Variants in EXOC6B observed in about 807,000 individuals in gnomAD.
EXOC6B encodes the protein exocyst complex component 6B.
EXOC6B carries 54 observed loss-of-function variants against 113.5 expected under a neutral mutation model. That is an observed-to-expected ratio of 0.48 (90% CI 0.38 to 0.60). EXOC6B has a LOEUF of 0.60. Ranked by LOEUF, EXOC6B falls within the 20% of genes least tolerant of loss-of-function variation. EXOC6B has a pLI of 0.00. For missense variants in EXOC6B, 797 were observed against 977.5 expected, an observed-to-expected ratio of 0.82 and a Z score of 2.46; for synonymous variants, 357 against 339.0, an observed-to-expected ratio of 1.05 and a Z score of -0.58.
At chr2:72,490,770 G>A (rs1366555432) in intron 16 of EXOC6B, among the ~76,000 whole-genome samples, 1 of 151,986 alleles carries the variant, frequency 6.6e-6, no homozygotes, top group Non-Finnish European at 1.5e-5. Context: ...TACCTGACCC[G>A]TACAGTGTTT....
intron 18 of EXOC6B, among the ~76,000 whole-genome samples, chr2:72,435,182 G>A (rs1037831016): frequency 1.4e-4 from 22 of 152,178 alleles, no homozygotes; most frequent in African/African-American, 4.3e-4. Flanking sequence ...TCTTTCAGGA[G>A]CAGGTTGTTC....
intron 6 of EXOC6B, among the ~76,000 whole-genome samples, chr2:72,700,481 T>G (rs1022197882): frequency 4.6e-5 from 7 of 152,192 alleles, no homozygotes; most frequent in African/African-American, 1.7e-4. Flanking sequence ...GAGGTTACAG[T>G]GAGTTCCTCA....
chr2:72,443,741 A>G (rs1696379769), intron 18 of EXOC6B, among the ~76,000 whole-genome samples: 2 of 152,180 alleles, frequency 1.3e-5, no homozygotes, highest in African/African-American at 4.8e-5. Context: ...ATCATATCTC[A>G]TGAGACTTAT....
chr2:72,591,502 A>T (rs1705958708), intron 6 of EXOC6B, among the ~76,000 whole-genome samples: 1 of 152,166 alleles, frequency 6.6e-6, no homozygotes, highest in Non-Finnish European at 1.5e-5. Context: ...AAAGAGTACA[A>T]AGTTAACAAA....
chr2:72,587,984 A>G (rs1449062858), intron 6 of EXOC6B, among the ~76,000 whole-genome samples: 5 of 152,186 alleles, frequency 3.3e-5, no homozygotes, highest in Non-Finnish European at 4.4e-5. Context: ...ACAAGGAGAT[A>G]TCCTCACACC....
intron 19 of EXOC6B, among the ~76,000 whole-genome samples, chr2:72,375,777 A>G (rs773944247): frequency 1.4e-4 from 22 of 152,198 alleles, no homozygotes; most frequent in Non-Finnish European, 2.4e-4. Flanking sequence ...CAAATAAACA[A>G]AAAGTAAGCA....
chr2:72,668,605 T>C (rs1675562693), intron 6 of EXOC6B, among the ~76,000 whole-genome samples: 1 of 152,180 alleles, frequency 6.6e-6, no homozygotes, highest in South Asian at 2.1e-4. Context: ...AACAAAATTA[T>C]ATCCTTTGCA....
Position 72,480,695 on chromosome 2 carries a change from T to C in EXOC6B, c.1721A>G (p.Glu574Gly), listed in dbSNP as rs963472972. 1.3e-6 allele frequency: 2 copies of C among 1,595,298 alleles called. No homozygotes were observed. Among genetic ancestry groups the C allele is most frequent in the African/African-American group, 1.3e-5 (1 of 74,676 alleles). ...ATTAGTGATGTTGGTGATAAATTCT[T>C]CCAAGTACTTACAGGATTTCTCCAA... ...THLEKSCKYL[E>G]EFITNITNVL... The change falls in exon 17 of 22, where the codon GAA becomes GGA. Residue 574 changes from glutamate (E) to glycine (G), a missense_variant. Physicochemically the swap from Glu to Gly is moderately conservative, Grantham distance 98. Transcript: ENST00000272427.
At chr2:72,773,003 G>C (rs1388100211) in intron 1 of EXOC6B, among the ~76,000 whole-genome samples, 1 of 151,060 alleles carries the variant, frequency 6.6e-6, no homozygotes, top group Non-Finnish European at 1.5e-5. Flanking sequence ...GAAATGTAGA[G>C]AGCTACAAAA....
At chr2:72,376,708 CCAACGTATGTGT>C (rs1691380526) in intron 19 of EXOC6B, among the ~76,000 whole-genome samples, 3 of 152,098 alleles carry the variant, frequency 2.0e-5, no homozygotes, top group Admixed American at 2.0e-4. Flanking sequence ...TCTGCAATTT[CCAACGTATGTGT>C]CATCAGTGGA....
intron 6 of EXOC6B, among the ~76,000 whole-genome samples, chr2:72,584,792 G>T (rs1166801618): frequency 6.6e-6 from 1 of 152,068 alleles, no homozygotes; most frequent in Non-Finnish European, 1.5e-5. Context: ...AAAAAAAATT[G>T]AAATCATACC....
At chr2:72,588,042 A>T (rs1160688876) in intron 6 of EXOC6B, among the ~76,000 whole-genome samples, 2 of 152,184 alleles carry the variant, frequency 1.3e-5, no homozygotes, top group African/African-American at 4.8e-5. Context: ...AAGTTTTAGC[A>T]AGGATGGGGA....
At chr2:72,684,270 C>G (rs1253038620) in intron 6 of EXOC6B, among the ~76,000 whole-genome samples, 1 of 151,780 alleles carries the variant, frequency 6.6e-6, no homozygotes, top group African/African-American at 2.4e-5. Context: ...TCCTCATATC[C>G]CAGACTAAAC....
chr2:72,608,579 A>T (rs557902224), intron 6 of EXOC6B, among the ~76,000 whole-genome samples: 33 of 152,298 alleles, frequency 2.2e-4, no homozygotes, highest in African/African-American at 7.7e-4. Flanking sequence ...TTGTTTACAC[A>T]CAGTCAGCAG....
At chr2:72,402,631 T>G (rs1336930247) in intron 18 of EXOC6B, among the ~76,000 whole-genome samples, 1 of 152,210 alleles carries the variant, frequency 6.6e-6, no homozygotes, top group Admixed American at 6.5e-5. Flanking sequence ...ATTCCTGGGC[T>G]TTCTCAGATA....
chr2:72,483,355 G>C (rs748054090), intron 16 of EXOC6B, among the ~76,000 whole-genome samples: 7 of 152,090 alleles, frequency 4.6e-5, no homozygotes, highest in Admixed American at 3.3e-4. Context: ...AACACATTCT[G>C]CCAATCAAAA....
At chr2:72,291,350 G>C (rs1189815749) in intron 20 of EXOC6B, among the ~76,000 whole-genome samples, 1 of 152,210 alleles carries the variant, frequency 6.6e-6, no homozygotes, top group South Asian at 2.1e-4. Context: ...TTAAAAGGCT[G>C]CCATGTCGGA....
chr2:72,421,160 G>A (rs1694845241), intron 18 of EXOC6B, among the ~76,000 whole-genome samples: 1 of 151,476 alleles, frequency 6.6e-6, no homozygotes, highest in African/African-American at 2.4e-5. Flanking sequence ...TGGATAGATT[G>A]CAAAAACTTT....
At chr2:72,230,197 G>A (rs1395760812) in intron 20 of EXOC6B, among the ~76,000 whole-genome samples, 1 of 152,106 alleles carries the variant, frequency 6.6e-6, no homozygotes, top group East Asian at 1.9e-4. Flanking sequence ...TTAACTCCGC[G>A]TGTCCCAAAT....
Sources: allele counts gnomAD v4.1 joint callset (sites outside exome capture counted in the v4.1 genomes callset), GRCh38; gene constraint gnomAD v4.1.1; transcripts MANE v1.5; gene names NCBI Gene and HGNC (gene_info 2026-07-23, HGNC 2026-07-21).